The following CSMD1 variants were observed in gnomAD, a reference collection of about 807,000 sequenced individuals.
The protein encoded by CSMD1 is CUB and sushi domain-containing protein 1.
CSMD1 carries 213 observed loss-of-function variants against 417.5 expected under a neutral mutation model. The ratio of observed to expected loss-of-function variants is 0.51; its 90% CI spans 0.46 to 0.57. The LOEUF is 0.57. Ranked by LOEUF, CSMD1 falls within the 20% of genes least tolerant of loss-of-function variation. The pLI, the probability that CSMD1 is intolerant of heterozygous loss-of-function variation, is 0.00. For missense variants in CSMD1, 6,923 were observed against 4,529.7 expected (o/e 1.53, Z -15.17); for synonymous variants, 2,862 against 1,736.8 (o/e 1.65, Z -16.11).
chr8:3,073,220 G>T (rs1273898013), intron 49 of CSMD1, among the ~76,000 whole-genome samples: 1 of 152,138 alleles, frequency 6.6e-6, no homozygotes, highest in African/African-American at 2.4e-5. Context: ...AAGCACTATG[G>T]ACTTGGCATA....
chr8:4,806,808 A>C (rs564693725), intron 1 of CSMD1, among the ~76,000 whole-genome samples: 1 of 152,166 alleles, frequency 6.6e-6, no homozygotes, highest in Admixed American at 6.5e-5. Flanking sequence ...TTCTCATGCT[A>C]TGAATTTGAG....
At chr8:3,658,057 G>A (rs543460804) in intron 7 of CSMD1, among the ~76,000 whole-genome samples, 54 of 152,234 alleles carry the variant, frequency 3.5e-4, no homozygotes, top group Middle Eastern at 6.8e-3. Flanking sequence ...GCATAACAGC[G>A]TCAGCCCAGA....
chr8:3,149,320 G>A (rs560680652), intron 40 of CSMD1, among the ~76,000 whole-genome samples: 1 of 152,274 alleles, frequency 6.6e-6, no homozygotes, highest in South Asian at 2.1e-4. Flanking sequence ...TAAATACAAT[G>A]TTTCCAGTTA....
intron 10 of CSMD1, among the ~76,000 whole-genome samples, chr8:3,523,363 G>C (rs554277668): frequency 1.3e-5 from 2 of 152,160 alleles, no homozygotes; most frequent in Non-Finnish European, 2.9e-5. Context: ...CTGAGATTAC[G>C]TGAGATGGAA....
In CSMD1 at chr8:4,105,169, T is replaced by C. The variant is rs370080848; in HGVS notation, c.416-73070A>G. Among the ~76,000 whole-genome samples the C allele has an allele frequency of 6.8e-4, 104 of 152,212 alleles. 1 individual carries two copies. The highest frequency in any genetic ancestry group is 2.3e-3 in the African/African-American group (97 of 41,548). On this transcript the variant is annotated intron_variant, in intron 3 of 69. Coordinates refer to ENST00000635120, the MANE Select transcript of CSMD1 (RefSeq NM_033225.6). ...CGTACAACTGAAAATTAGATATCCA[T>C]TCCATGGATGCCATACATCCTAAGA...
chr8:3,926,053 T>TACACACACACACACACACAAACACCATAC (rs1809657439), intron 5 of CSMD1, among the ~76,000 whole-genome samples: 3 of 87,892 alleles, frequency 3.4e-5, no homozygotes, highest in East Asian at 6.1e-4. Context: ...AAACACCATA[T>TACACACACACACACACACAAACACCATAC]ACACACACAC....
intron 7 of CSMD1, among the ~76,000 whole-genome samples, chr8:3,657,803 C>T (rs1798206419): frequency 6.6e-6 from 1 of 152,112 alleles, no homozygotes; most frequent in African/African-American, 2.4e-5. Context: ...ATGTAACAAA[C>T]ATGCACATTC....
intron 5 of CSMD1, among the ~76,000 whole-genome samples, chr8:3,938,567 C>G (rs1477095338): frequency 1.3e-5 from 2 of 152,240 alleles, no homozygotes; most frequent in East Asian, 1.9e-4. Context: ...ACCAATGCAT[C>G]TCTTTTTTTC....
intron 2 of CSMD1, among the ~76,000 whole-genome samples, chr8:4,598,800 T>G (rs1034633234): frequency 1.3e-5 from 2 of 152,018 alleles, no homozygotes; most frequent in African/African-American, 4.8e-5. Flanking sequence ...CAGAAATAGG[T>G]TGAGTATTAA....
At chr8:3,486,976 C>T (rs771253298) in intron 11 of CSMD1, among the ~76,000 whole-genome samples, 1 of 152,176 alleles carries the variant, frequency 6.6e-6, no homozygotes. Context: ...AAGCTTGCTA[C>T]TCAATCCTCC....
chr8:3,481,989 T>C (rs771705385), intron 11 of CSMD1, among the ~76,000 whole-genome samples: 2 of 152,228 alleles, frequency 1.3e-5, no homozygotes, highest in Non-Finnish European at 2.9e-5. Flanking sequence ...ATAAGTCACA[T>C]ATGTTTATTG....
chr8:3,850,102 A>T (rs1348580133), intron 5 of CSMD1, among the ~76,000 whole-genome samples: 3 of 152,208 alleles, frequency 2.0e-5, no homozygotes, highest in Admixed American at 2.0e-4. Flanking sequence ...AGCAAAGAGT[A>T]TATCTTTTTG....
At chr8:3,304,233 T>C (rs920817511) in intron 25 of CSMD1, among the ~76,000 whole-genome samples, 4 of 152,164 alleles carry the variant, frequency 2.6e-5, no homozygotes, top group African/African-American at 4.8e-5. Context: ...TGTGTTCATA[T>C]TTATATGACT....
intron 33 of CSMD1, among the ~76,000 whole-genome samples, chr8:3,192,064 A>G (rs954409809): frequency 8.5e-5 from 13 of 152,188 alleles, no homozygotes; most frequent in African/African-American, 2.9e-4. Context: ...GCTGCTGGGG[A>G]AGCAGTTCCA....
intron 15 of CSMD1, among the ~76,000 whole-genome samples, chr8:3,401,303 G>A (rs1015965880): frequency 1.3e-5 from 2 of 151,832 alleles, no homozygotes; most frequent in African/African-American, 4.8e-5. Flanking sequence ...CCAACCAAAA[G>A]TTTCCTTTAC....
At chr8:3,226,543 C>T (rs1479336730) in intron 27 of CSMD1, among the ~76,000 whole-genome samples, 1 of 147,154 alleles carries the variant, frequency 6.8e-6, no homozygotes, top group South Asian at 2.1e-4. Flanking sequence ...GATCACACCA[C>T]TGCACTCCAG....
At chr8:3,142,061 T>A (rs888378867) in intron 41 of CSMD1, among the ~76,000 whole-genome samples, 5 of 152,120 alleles carry the variant, frequency 3.3e-5, no homozygotes. Context: ...CCTTCCAAAG[T>A]GCTGGGATTA....
At chr8:4,045,912 G>A (rs539978503) in intron 3 of CSMD1, among the ~76,000 whole-genome samples, 1 of 151,686 alleles carries the variant, frequency 6.6e-6, no homozygotes, top group Non-Finnish European at 1.5e-5. Context: ...ACACACACAG[G>A]TATTACATAT....
intron 51 of CSMD1, among the ~76,000 whole-genome samples, chr8:3,024,632 G>A (rs1053601268): frequency 2.6e-5 from 4 of 152,132 alleles, no homozygotes; most frequent in Non-Finnish European, 5.9e-5. Flanking sequence ...TAAAAATTGT[G>A]TTTTTCACTT....
Sources: allele counts gnomAD v4.1 joint callset (sites outside exome capture counted in the v4.1 genomes callset), GRCh38; gene constraint gnomAD v4.1.1; transcripts MANE v1.5; gene names NCBI Gene and HGNC (gene_info 2026-07-23, HGNC 2026-07-21).